The following RORB variants were observed in gnomAD, a reference collection of about 807,000 sequenced individuals.
The protein encoded by RORB is RAR related orphan receptor B.
RORB carries 6 observed loss-of-function variants against 59.1 expected under a neutral mutation model. That is an observed-to-expected ratio of 0.10 (90% confidence interval 0.06 to 0.20). RORB has a LOEUF of 0.20. Ranked by LOEUF, RORB falls within the 10% of genes least tolerant of loss-of-function variation. The pLI, the probability that RORB is intolerant of heterozygous loss-of-function variation, is 1.00. For missense variants in RORB, 320 were observed against 560.5 expected (o/e 0.57, Z 4.33); for synonymous variants, 215 against 204.5 (o/e 1.05, Z -0.44).
intron 3 of RORB, among the ~76,000 whole-genome samples, chr9:74,637,507 G>A (rs780355141): frequency 2.5e-4 from 38 of 152,248 alleles, no homozygotes; most frequent in South Asian, 1.5e-3. Flanking sequence ...AAAAGGTGAA[G>A]ACATGTGTGC....
chr9:74,664,918 A>G (rs930104461), intron 6 of RORB, among the ~76,000 whole-genome samples: 2 of 152,204 alleles, frequency 1.3e-5, no homozygotes, highest in Non-Finnish European at 2.9e-5. Context: ...GCTCAAAGGG[A>G]AAAACAGTGG....
In RORB at chr9:74,660,748, G is replaced by A; in HGVS notation, c.759+10G>A. 6.2e-7 allele frequency: 1 copy of A among 1,606,462 alleles called. No homozygotes were observed. Among genetic ancestry groups the A allele is most frequent in the East Asian group, 2.2e-5 (1 of 44,792 alleles). On this transcript the variant is annotated intron_variant, in intron 5 of 9. Coordinates refer to ENST00000376896, the MANE Select transcript of RORB (RefSeq NM_006914.4). Reference sequence around the variant, plus strand: ...AGCATATCAAAGCAAGGTACTCTGGGAAACCATGAGAAAGTTTTTCTGTGA... The same window carrying A: ...AGCATATCAAAGCAAGGTACTCTGGAAAACCATGAGAAAGTTTTTCTGTGA...
At chr9:74,530,191 C>T (rs1826215123) in intron 1 of RORB, among the ~76,000 whole-genome samples, 2 of 152,002 alleles carry the variant, frequency 1.3e-5, no homozygotes, top group Admixed American at 6.6e-5. Context: ...ATTGTATTCC[C>T]TCTTAGATTT....
In RORB at chr9:74,549,531, G is replaced by A. The variant is rs185693489; in HGVS notation, c.7+51548G>A. Among the ~76,000 whole-genome samples, 2 of 26,344 alleles carry A rather than the reference G, an allele frequency of 7.6e-5. 1 individual carries two copies. Among genetic ancestry groups the A allele is most frequent in the Non-Finnish European group, 1.6e-4 (2 of 12,234 alleles). 17.3% of individuals were successfully genotyped at this position (26,344 alleles called of 152,430 possible). On this transcript the variant is annotated intron_variant, in intron 1 of 9. Coordinates refer to ENST00000376896, the MANE Select transcript of RORB (RefSeq NM_006914.4). ...GAAAGGGAAAGAAGGGAGGGAGGGA[G>A]GGAGGGAGGGAGGGAGGGAAGGAAG...
chr9:74,617,971 A>T (rs1712741298), intron 1 of RORB, among the ~76,000 whole-genome samples: 1 of 152,274 alleles, frequency 6.6e-6, no homozygotes, highest in African/African-American at 2.4e-5. Flanking sequence ...TTCAAGATTC[A>T]ATTCTGAAGC....
At chr9:74,683,265 C>T (rs1824577373) in intron 9 of RORB, among the ~76,000 whole-genome samples, 1 of 151,974 alleles carries the variant, frequency 6.6e-6, no homozygotes. Context: ...AGAACTGTTC[C>T]TAAATTGTTG....
At position 74,691,084 on chromosome 9, in the gene RORB, G is replaced by GCT. The variant is rs1824733040; in HGVS notation, c.*5466_*5467insCT. The GCT allele has an allele frequency of 6.6e-6, 1 of 152,158 alleles. No individual in the cohort carries two copies. Among genetic ancestry groups the GCT allele is most frequent in the Non-Finnish European group, 1.5e-5 (1 of 68,054 alleles). 9.4% of individuals were successfully genotyped at this position (152,158 alleles called of 1,614,324 possible). On this transcript the variant is annotated 3_prime_UTR_variant, in exon 10 of 10. Transcript: ENST00000376896. ...CATGGATTCCTATGCAGCAGATGGG[G>GCT]GTTGTCTGTTTGTGCACTTTTTTCC...
intron 1 of RORB, among the ~76,000 whole-genome samples, chr9:74,596,978 T>C (rs1318160537): frequency 2.6e-5 from 4 of 152,222 alleles, no homozygotes; most frequent in African/African-American, 7.2e-5. Flanking sequence ...TCTTGCTCTC[T>C]CGGCATCCCT....
At chr9:74,621,494 A>T (rs7035362) in intron 1 of RORB, among the ~76,000 whole-genome samples, 27,603 of 152,236 alleles carry the variant, frequency 0.18, 2,597 homozygotes, top group African/African-American at 0.22. Flanking sequence ...CACCTGTTGA[A>T]GGACATCTTA....
intron 3 of RORB, among the ~76,000 whole-genome samples, chr9:74,637,906 T>C (rs1368196834): frequency 6.6e-6 from 1 of 152,188 alleles, no homozygotes; most frequent in East Asian, 1.9e-4. Context: ...GCTACCATAT[T>C]GGAAAGCAAA....
In RORB at chr9:74,507,192, T is replaced by C. The variant is rs556356887; in HGVS notation, c.7+9209T>C. 9.2e-5 allele frequency among the ~76,000 whole-genome samples: 14 copies of C among 152,218 alleles called. No individual in the cohort carries two copies. In the South Asian group the frequency reaches 1.5e-3, roughly 16 times the overall value. On this transcript the variant is annotated intron_variant, in intron 1 of 9. Coordinates refer to ENST00000376896, the MANE Select transcript of RORB (RefSeq NM_006914.4). ...TGGTTGGTGAATGGAGGCTAAACCA[T>C]TGGAGAACAGTCGTTTTACTTGAAG...
chr9:74,662,343 T>A, intron 5 of RORB, 131 bp from the exon 6 acceptor site: 1 of 876,396 alleles, frequency 1.1e-6, no homozygotes. Flanking sequence ...CCTCCTTTTT[T>A]AAAGGAATCA....
At chr9:74,668,643 T>G (rs912090126) in intron 8 of RORB, among the ~76,000 whole-genome samples, 2 of 152,182 alleles carry the variant, frequency 1.3e-5, no homozygotes. Context: ...AAAATGGTAC[T>G]AAGAAAATTA....
At chr9:74,624,585 C>G (rs1380787861) in intron 1 of RORB, among the ~76,000 whole-genome samples, 1 of 152,228 alleles carries the variant, frequency 6.6e-6, no homozygotes, top group Non-Finnish European at 1.5e-5. Flanking sequence ...TACAGTGGAA[C>G]TGGTTCCCAG....
At chr9:74,519,192 G>T (rs936110498) in intron 1 of RORB, among the ~76,000 whole-genome samples, 2 of 151,968 alleles carry the variant, frequency 1.3e-5, no homozygotes, top group Non-Finnish European at 2.9e-5. Flanking sequence ...TGATAAAGTC[G>T]AGATGGAGCC....
intron 1 of RORB, among the ~76,000 whole-genome samples, chr9:74,521,309 G>A (rs1012722817): frequency 6.6e-6 from 1 of 151,714 alleles, no homozygotes; most frequent in East Asian, 1.9e-4. Flanking sequence ...AACAGATCTG[G>A]GGGTGATAAA....
chr9:74,500,666 G>A (rs1355605972), intron 1 of RORB, among the ~76,000 whole-genome samples: 1 of 152,074 alleles, frequency 6.6e-6, no homozygotes, highest in Non-Finnish European at 1.5e-5. Context: ...GGGATTCAGT[G>A]GTCTCCCTCG....
intron 3 of RORB, among the ~76,000 whole-genome samples, chr9:74,637,961 G>C (rs985744483): frequency 6.6e-6 from 1 of 152,172 alleles, no homozygotes; most frequent in Admixed American, 6.6e-5. Flanking sequence ...AGAAAAAGAG[G>C]AAGGAGAAGA....
At chr9:74,601,847 G>A (rs930548276) in intron 1 of RORB, among the ~76,000 whole-genome samples, 1 of 152,100 alleles carries the variant, frequency 6.6e-6, no homozygotes, top group South Asian at 2.1e-4. Flanking sequence ...CTTTTTCTCA[G>A]CCTAGATGAT....
Sources: allele counts gnomAD v4.1 joint callset (sites outside exome capture counted in the v4.1 genomes callset), GRCh38; gene constraint gnomAD v4.1.1; transcripts MANE v1.5; gene names NCBI Gene and HGNC (gene_info 2026-07-23, HGNC 2026-07-21).